The following LRP5 variants were observed in gnomAD, a reference collection of about 807,000 sequenced individuals.
LRP5 encodes low-density lipoprotein receptor-related protein 5.
A neutral mutation model predicts 154.1 loss-of-function variants in LRP5; 62 were observed. The observed-to-expected ratio is 0.40, with a 90% CI of 0.33 to 0.50. The LOEUF (loss-of-function observed/expected upper bound fraction) is 0.50. Ranked by LOEUF, LRP5 falls within the 20% of genes least tolerant of loss-of-function variation. The pLI, the probability that LRP5 is intolerant of heterozygous loss-of-function variation, is 0.55. For synonymous variants in LRP5, 966 were observed against 1,011.5 expected (o/e 0.96, Z 0.85); for missense variants, 1,915 against 2,336.7 (o/e 0.82, Z 3.72).
At position 68,439,848 on chromosome 11, in the gene LRP5, G is replaced by C. The variant is rs959633003; in HGVS notation, c.4420G>C (p.Asp1474His). 6.2e-7 allele frequency: 1 copy of C among 1,608,798 alleles called. No individual in the cohort carries two copies. Among genetic ancestry groups the C allele is most frequent in the Non-Finnish European group, 8.5e-7 (1 of 1,178,734 alleles). The change falls in exon 21 of 23, where the codon GAC becomes CAC. Residue 1474 changes from aspartate (D) to histidine (H), a missense_variant. Asp to His is a moderately conservative substitution (Grantham distance 81). This residue lies in a region of LRP5 where 1,094 missense variants were observed against 1,210.1 expected (regional missense o/e 0.90). Transcript: ENST00000294304. The part of the protein sequence containing the change: ...MGGRGGVPLY[D>H]RNHVTGASSS... The stretch of plus-strand genomic sequence containing the variant: ...GGGCCGGGGCGGGGTGCCCCTCTAC[G>C]ACCGGAACCACGTCACAGGGGCCTC...
At chr11:68,428,193 C>T (rs1360271836) in intron 16 of LRP5, among the ~76,000 whole-genome samples, 1 of 151,840 alleles carries the variant, frequency 6.6e-6, no homozygotes. Context: ...CGGGTTTTCG[C>T]CATTTTGCCC....
At chr11:68,377,985 G>A (rs1407737804) in intron 5 of LRP5, among the ~76,000 whole-genome samples, 1 of 152,100 alleles carries the variant, frequency 6.6e-6, no homozygotes, top group Non-Finnish European at 1.5e-5. Context: ...GCCTCCGGGG[G>A]CCACTGGACC....
rs1198337181 is a variant in LRP5 at position 68,423,061 on chromosome 11, G to A, written c.3028-428G>A. 3.3e-5 allele frequency among the ~76,000 whole-genome samples: 5 copies of A among 152,332 alleles called. No individual in the cohort carries two copies. In the East Asian group the frequency reaches 7.7e-4, roughly 24 times the overall value. ...TGGAAGGTGGAGGAGACAGGGATGT[G>A]TTGGGAAGGGCCCCATGGTCTTGGA... On this transcript the variant is annotated intron_variant, in intron 13 of 22. Coordinates refer to ENST00000294304, the MANE Select transcript of LRP5 (RefSeq NM_002335.4). This position sits in a 1 kb window ranked among gnomAD's most constrained non-coding sequence, Gnocchi z 4.7.
In LRP5 at chr11:68,312,776, C is replaced by A; in HGVS notation, c.62C>A (p.Ala21Glu). 1 of 1,079,062 alleles carries A rather than the reference C, an allele frequency of 9.3e-7. No individual in the cohort carries two copies. Among genetic ancestry groups the A allele is most frequent in the South Asian group, 2.7e-5 (1 of 36,522 alleles). The allele number at this position is 1,079,062 out of a possible 1,614,324, so 66.8% of individuals were successfully genotyped here. A position where few individuals can be genotyped will look rare whatever the true frequency, so the allele number is the denominator to read the frequency against. Reference protein sequence around the residue: ...PLLLLLLLLLALCGCPAPAAA... With the variant: ...PLLLLLLLLLELCGCPAPAAA... ...CTGCTGCTGCTGCTGCTGCTGCTGG[C>A]GCTGTGCGGCTGCCCGGCCCCCGCC... The change falls in exon 1 of 23, where the codon GCG becomes GAG. Residue 21 changes from alanine (A) to glutamate (E), a missense_variant. Coordinates refer to ENST00000294304, the MANE Select transcript of LRP5 (RefSeq NM_002335.4).
chr11:68,300,074 G>T, the LRP5 span, among the ~76,000 whole-genome samples: 1 of 147,944 alleles, frequency 6.8e-6, no homozygotes, highest in African/African-American at 2.4e-5. Context: ...GTAGATACAG[G>T]GTTTCACCAT....
rs545689135 is a variant in LRP5, at chr11:68,328,697, C to T, written c.91+15892C>T. On this transcript the variant is annotated intron_variant, in intron 1 of 22. Transcript: ENST00000294304. Reference sequence around the variant, plus strand: ...CAGTCTGCACCTCCGTCCCTGGATCCGTGCGTTTGCTGTGTGGCCTCGCAG... The same window carrying T: ...CAGTCTGCACCTCCGTCCCTGGATCTGTGCGTTTGCTGTGTGGCCTCGCAG... Among the ~76,000 whole-genome samples, 39 of 152,340 alleles carry T rather than the reference C, an allele frequency of 2.6e-4. No homozygotes were observed. In the South Asian group the frequency reaches 2.7e-3, roughly 11 times the overall value.
At chr11:68,411,217 C>T (rs775587619) in intron 10 of LRP5, among the ~76,000 whole-genome samples, 1 of 152,230 alleles carries the variant, frequency 6.6e-6, no homozygotes, top group African/African-American at 2.4e-5. Flanking sequence ...GAGTGAGCCA[C>T]TGTGGGAATT....
chr11:68,383,654 A>G (rs1399078990), intron 5 of LRP5, among the ~76,000 whole-genome samples: 2 of 152,110 alleles, frequency 1.3e-5, no homozygotes, highest in South Asian at 2.1e-4. Flanking sequence ...GCTGCTGTGG[A>G]TGTGGTTCTG....
chr11:68,445,695 C>CTGTGTGGG, intron 21 of LRP5: 1 of 1,313,246 alleles, frequency 7.6e-7, no homozygotes, highest in African/African-American at 1.5e-5. Context: ...AGGTGCAGAC[C>CTGTGTGGG]TGTGTGGGTG....
intron 1 of LRP5, among the ~76,000 whole-genome samples, chr11:68,313,748 C>CT (rs1479952658): frequency 6.6e-6 from 1 of 152,256 alleles, no homozygotes; most frequent in Non-Finnish European, 1.5e-5. Flanking sequence ...CCGCAAGTGC[C>CT]TGTGCACGCC....
chr11:68,313,930 G>A (rs902345291), intron 1 of LRP5, among the ~76,000 whole-genome samples: 20 of 152,314 alleles, frequency 1.3e-4, no homozygotes, highest in African/African-American at 4.8e-4. Context: ...AGGTGTGGGG[G>A]ACAGCGGGGA....
At chr11:68,399,756 C>A (rs184799523) in intron 7 of LRP5, among the ~76,000 whole-genome samples, 273 of 152,364 alleles carry the variant, frequency 1.8e-3, no homozygotes, top group Admixed American at 0.011. Flanking sequence ...CCAGAGGGAA[C>A]CTGCCCCAGG....
intron 6 of LRP5, among the ~76,000 whole-genome samples, chr11:68,389,652 A>G (rs1218243327): frequency 6.6e-6 from 1 of 150,672 alleles, no homozygotes; most frequent in Non-Finnish European, 1.5e-5. Context: ...ATCTACTGAT[A>G]CTGGCATCTA....
intron 7 of LRP5, among the ~76,000 whole-genome samples, chr11:68,399,383 A>AAAC (rs779243690): frequency 6.6e-6 from 1 of 152,038 alleles, no homozygotes; most frequent in Non-Finnish European, 1.5e-5. Flanking sequence ...TTAAAAAAAA[A>AAAC]AACCAAAAAA....
chr11:68,337,206 C>T (rs1051002671), intron 1 of LRP5, among the ~76,000 whole-genome samples: 1 of 152,194 alleles, frequency 6.6e-6, no homozygotes, highest in Admixed American at 6.6e-5. Flanking sequence ...TGTTTTTGCA[C>T]ATCATGCCGA....
intron 17 of LRP5, among the ~76,000 whole-genome samples, chr11:68,432,788 A>C (rs1341919016): frequency 2.0e-5 from 3 of 152,184 alleles, no homozygotes; most frequent in Non-Finnish European, 4.4e-5. Flanking sequence ...TCTCTGTGCC[A>C]GTGCCCCCAC....
intron 7 of LRP5, among the ~76,000 whole-genome samples, chr11:68,397,694 C>A (rs1451255011): frequency 6.6e-6 from 1 of 152,206 alleles, no homozygotes; most frequent in East Asian, 1.9e-4. Context: ...GTCTGTGAGC[C>A]GGCCTGGTCT....
At chr11:68,358,225 C>T (rs1255400598) in intron 3 of LRP5, among the ~76,000 whole-genome samples, 1 of 152,130 alleles carries the variant, frequency 6.6e-6, no homozygotes, top group Non-Finnish European at 1.5e-5. Flanking sequence ...AAGCGATCCT[C>T]CCGCCTCAGC....
chr11:68,382,349 G>A (rs2098640714), intron 5 of LRP5, among the ~76,000 whole-genome samples: 1 of 152,114 alleles, frequency 6.6e-6, no homozygotes, highest in Non-Finnish European at 1.5e-5. Context: ...GGGACACCCC[G>A]CCAGAACCTG....
Sources: allele counts gnomAD v4.1 joint callset (sites outside exome capture counted in the v4.1 genomes callset), GRCh38; gene constraint gnomAD v4.1.1; regional missense constraint gnomAD v4.1.1; non-coding constraint Gnocchi (gnomAD v3.1); transcripts MANE v1.5; gene names NCBI Gene and HGNC (gene_info 2026-07-23, HGNC 2026-07-21).